Variants in NSD1 observed in about 807,000 individuals in gnomAD.
NSD1 encodes the protein nuclear receptor binding SET domain protein 1, also known as histone-lysine N-methyltransferase, H3 lysine-36 specific.
Under a neutral mutation model 242.7 loss-of-function variants are expected in NSD1, and 26 were observed. The observed-to-expected ratio is 0.11, with a 90% CI of 0.08 to 0.15. NSD1 has a LOEUF of 0.15. Among genes scored for constraint, NSD1 ranks in the 10% least tolerant of loss-of-function variants. NSD1 has a pLI of 1.00. For missense variants in NSD1, 2,495 were observed against 3,272.8 expected, an observed-to-expected ratio of 0.76 and a Z score of 5.80; for synonymous variants, 1,106 against 1,178.1, an observed-to-expected ratio of 0.94 and a Z score of 1.25.
rs780679855 is a variant in NSD1, at chr5:177,257,102, C to T, written c.4917C>T (p.Ile1639=). The T allele has an allele frequency of 3.7e-6, 6 of 1,614,078 alleles. No homozygotes were observed. Among genetic ancestry groups the T allele is most frequent in the Non-Finnish European group, 1.7e-6 (2 of 1,180,026 alleles). The stretch of plus-strand genomic sequence containing the variant: ...AGGGCTTCCGGTGCTCCCTCCACAT[C>T]TGTATAACCTGTCATGCTGCTAATC... ...QNKGFRCSLH[I]CITCHAANPA... Residue 1639 remains isoleucine, a synonymous_variant, in exon 13 of 23, where the codon ATC becomes ATT. Transcript: ENST00000439151.
intron 2 of NSD1, among the ~76,000 whole-genome samples, chr5:177,159,764 G>A (rs182935104): frequency 3.6e-4 from 55 of 150,886 alleles, no homozygotes; most frequent in African/African-American, 1.3e-3. Flanking sequence ...GGCTAATTTT[G>A]TATTTTTGTT....
At chr5:177,150,501 C>T (rs1013480968) in intron 2 of NSD1, among the ~76,000 whole-genome samples, 1 of 147,294 alleles carries the variant, frequency 6.8e-6, no homozygotes, top group Non-Finnish European at 1.5e-5. Flanking sequence ...ATCATACATA[C>T]TTGTGATTTT....
intron 2 of NSD1, among the ~76,000 whole-genome samples, chr5:177,176,438 T>C (rs1367441103): frequency 6.7e-6 from 1 of 148,196 alleles, no homozygotes; most frequent in Admixed American, 6.7e-5. Context: ...TTTTTTTTTT[T>C]TCTTCTTTTT....
chr5:177,210,250 A>G lies in NSD1; in HGVS notation c.1851A>G (p.Ser617=), dbSNP rs1361415694. Residue 617 remains serine (S), a synonymous_variant, in exon 5 of 23, where the codon TCA becomes TCG. Coordinates refer to ENST00000439151, the MANE Select transcript of NSD1 (RefSeq NM_022455.5). ...CCCAACGAAGCCTGGTGTGTGGTTC[A>G]AAAGTGAAGCTCTGCTATATTGGAG... ...NKPQRSLVCG[S]KVKLCYIGAG... is the part of the protein sequence containing the mutation. The G allele has an allele frequency of 1.9e-6, 3 of 1,599,810 alleles. No homozygotes were observed. The highest frequency in any genetic ancestry group is 2.6e-6 in the Non-Finnish European group (3 of 1,173,246).
chr5:177,260,205 A>G (rs1273708089), intron 14 of NSD1, 37 bp downstream of exon 14: 9 of 1,588,610 alleles, frequency 5.7e-6, no homozygotes, highest in Non-Finnish European at 7.8e-6. Context: ...GTAGTCTAAA[A>G]AGGGATTAAA....
intron 2 of NSD1, among the ~76,000 whole-genome samples, chr5:177,145,356 G>T (rs1757153699): frequency 6.8e-6 from 1 of 147,560 alleles, no homozygotes; most frequent in African/African-American, 2.5e-5. Context: ...ACAACTCACT[G>T]CAGTTTAGAC....
intron 2 of NSD1, among the ~76,000 whole-genome samples, chr5:177,190,779 C>T (rs549141764): frequency 1.1e-4 from 16 of 151,612 alleles, no homozygotes; most frequent in African/African-American, 3.9e-4. Flanking sequence ...ACGCCATTCT[C>T]CTGCCTCAGC....
intron 2 of NSD1, among the ~76,000 whole-genome samples, chr5:177,157,788 A>G (rs1413148135): frequency 6.6e-6 from 1 of 152,108 alleles, no homozygotes; most frequent in African/African-American, 2.4e-5. Flanking sequence ...GCCCCTCACA[A>G]CCACTAATCT....
intron 17 of NSD1, among the ~76,000 whole-genome samples, chr5:177,277,948 TG>T (rs1758534393): frequency 6.6e-6 from 1 of 152,200 alleles, no homozygotes; most frequent in African/African-American, 2.4e-5. Flanking sequence ...CAGAAGTGAA[TG>T]TTCAAATGCC....
intron 2 of NSD1, among the ~76,000 whole-genome samples, chr5:177,172,961 CAAAAAAAAAAAAA>C (rs1157349270): frequency 1.5e-5 from 1 of 66,022 alleles, no homozygotes; most frequent in Non-Finnish European, 3.1e-5. Context: ...GACCCTGTCT[CAAAAAAAAAAAAA>C]AAAAAAAAGA....
chr5:177,194,130 A>G lies in NSD1; in HGVS notation c.1063+2111A>G, dbSNP rs1488738651. ...GTTTTTTCATATAAATTATATTTTT[A>G]TTTACATGAGTAAATACATACTTCT... On this transcript the variant is annotated intron_variant, in intron 3 of 22. Coordinates refer to ENST00000439151, the MANE Select transcript of NSD1 (RefSeq NM_022455.5). Among the ~76,000 whole-genome samples, 4 of 152,224 alleles carry G rather than the reference A, an allele frequency of 2.6e-5. No homozygotes were observed. The East Asian group carries it at 7.7e-4, about 29-fold the overall frequency.
In NSD1 at chr5:177,136,847, A is replaced by G. The variant is rs772404423; in HGVS notation, c.927+817A>G. 2.4e-4 allele frequency: 159 copies of G among 650,260 alleles called. 1 individual carries two copies. The highest frequency in any genetic ancestry group is 4.8e-4 in the Middle Eastern group (2 of 4,170). The allele number at this position is 650,260 out of a possible 1,614,324, so 40.3% of individuals were successfully genotyped here. ...TTTTAACAGAACCCTAACTAAGACA[A>G]AGTTTTATATTTATTTATTGTTTAG... On this transcript the variant is annotated intron_variant, in intron 2 of 22. Coordinates refer to ENST00000439151, the MANE Select transcript of NSD1 (RefSeq NM_022455.5).
chr5:177,194,422 C>T (rs956603776), intron 3 of NSD1, among the ~76,000 whole-genome samples: 11 of 148,158 alleles, frequency 7.4e-5, no homozygotes, highest in Admixed American at 6.1e-4. Context: ...GGAGCACAGA[C>T]GTGTGCCACC....
chr5:177,230,015 A>T (rs1764936730), intron 5 of NSD1: 1 of 156,704 alleles, frequency 6.4e-6, no homozygotes, highest in Non-Finnish European at 1.4e-5. Flanking sequence ...AAGTGCTGAG[A>T]TTATAGGCAT....
intron 2 of NSD1, among the ~76,000 whole-genome samples, chr5:177,139,246 C>G (rs527824977): frequency 2.8e-5 from 4 of 142,258 alleles, no homozygotes; most frequent in African/African-American, 1.0e-4. Context: ...AGCGAAACTC[C>G]CTCTCAAGAA....
chr5:177,158,237 A>ATTTCTTTCTTTC (rs1166834243), intron 2 of NSD1, among the ~76,000 whole-genome samples: 169 of 109,094 alleles, frequency 1.5e-3, no homozygotes, highest in Non-Finnish European at 2.2e-3. Flanking sequence ...ATGGGTTCTA[A>ATTTCTTTCTTTC]TTTCTTTCTT....
At chr5:177,166,682 T>C (rs184736442) in intron 2 of NSD1, among the ~76,000 whole-genome samples, 19 of 152,190 alleles carry the variant, frequency 1.2e-4, no homozygotes, top group Non-Finnish European at 2.4e-4. Context: ...CCCTAAATTT[T>C]CTTATAAAAG....
chr5:177,283,900 C>G lies in NSD1; in HGVS notation c.6123C>G (p.Gly2041=), dbSNP rs1320561007. 1 of 1,614,134 alleles carries G rather than the reference C, an allele frequency of 6.2e-7. No homozygotes were observed. The highest frequency in any genetic ancestry group is 8.5e-7 in the Non-Finnish European group (1 of 1,180,022). ...KWSVNGDTRV[G]LFALSDIKAG... ...CTGTGAATGGAGATACCCGTGTAGGCCTTTTTGCACTAAGTGACATTAAAG... is the reference window on the plus strand; with the variant it reads ...CTGTGAATGGAGATACCCGTGTAGGGCTTTTTGCACTAAGTGACATTAAAG... The change falls in exon 20 of 23, where the codon GGC becomes GGG. Residue 2041 remains glycine, a synonymous_variant. Coordinates refer to ENST00000439151, the MANE Select transcript of NSD1 (RefSeq NM_022455.5).
chr5:177,180,765 C>T (rs1452023942), intron 2 of NSD1, among the ~76,000 whole-genome samples: 3 of 151,980 alleles, frequency 2.0e-5, no homozygotes, highest in Admixed American at 6.6e-5. Context: ...TCACTGCATC[C>T]TCCGCCTCCC....
Sources: gnomAD v4.1 joint callset for allele counts (sites outside exome capture counted in the v4.1 genomes callset) on GRCh38, gnomAD v4.1.1 for gene constraint, MANE v1.5 for transcripts, NCBI Gene and HGNC (gene_info 2026-07-23, HGNC 2026-07-21) for gene names.